GADL1: variants seen among roughly 807,000 people sequenced by gnomAD.
GADL1 encodes the protein GAD like acidic amino acid decarboxylase 1.
A neutral mutation model predicts 69.5 loss-of-function variants in GADL1; 71 were observed. The ratio of observed to expected loss-of-function variants is 1.02; its 90% CI spans 0.84 to 1.25. The LOEUF is 1.25. Among genes scored for constraint, GADL1 ranks in the 50% most tolerant of loss-of-function variants. GADL1 has a pLI of 0.00. For synonymous variants in GADL1, 254 were observed against 214.4 expected (o/e 1.18, Z -1.62); for missense variants, 737 against 631.8 (o/e 1.17, Z -1.79).
chr3:30,813,431 GTGTT>G (rs1388465997), intron 11 of GADL1, among the ~76,000 whole-genome samples: 2 of 152,190 alleles, frequency 1.3e-5, no homozygotes, highest in Admixed American at 6.5e-5. Flanking sequence ...CACAGAGTGA[GTGTT>G]CTGCTTTGGA....
At chr3:30,828,882 C>G (rs988185344) in intron 11 of GADL1, among the ~76,000 whole-genome samples, 5 of 151,844 alleles carry the variant, frequency 3.3e-5, no homozygotes, top group Non-Finnish European at 5.9e-5. Flanking sequence ...CTAACTATTG[C>G]TCTTCCACTT....
Position 30,861,746 on chromosome 3 carries a change from C to G in GADL1, c.57G>C (p.Glu19Asp). The change falls in exon 2 of 15, where the codon GAG becomes GAC. Residue 19 changes from glutamate to aspartate, a missense_variant. Glu to Asp is a conservative substitution (Grantham distance 45). Coordinates refer to ENST00000282538, the MANE Select transcript of GADL1 (RefSeq NM_207359.3). ...CAGCATTCTTCTTACTTGGAATCAT[C>G]TCTTGTTGATCAATATCTCCTGGAA... The part of the protein sequence containing the change: ...CPVDGDIDQQ[E>D]MIPSKKNAVL... 1.3e-6 allele frequency: 2 copies of G among 1,546,680 alleles called. No individual in the cohort carries two copies. The highest frequency in any genetic ancestry group is 2.4e-5 in the East Asian group (1 of 40,840).
chr3:30,781,491 TCAAA>T (rs1013269942), intron 13 of GADL1, among the ~76,000 whole-genome samples: 5 of 152,210 alleles, frequency 3.3e-5, no homozygotes, highest in African/African-American at 9.6e-5. Context: ...GCACACAGAT[TCAAA>T]CAATCATGCA....
chr3:30,815,976 G>A (rs1295632551), intron 11 of GADL1, among the ~76,000 whole-genome samples: 1 of 152,070 alleles, frequency 6.6e-6, no homozygotes, highest in Non-Finnish European at 1.5e-5. Flanking sequence ...CAGGTTCCTC[G>A]TCTGTACAGT....
At chr3:30,890,194 T>A (rs1698767589) in intron 1 of GADL1, among the ~76,000 whole-genome samples, 1 of 152,138 alleles carries the variant, frequency 6.6e-6, no homozygotes, top group African/African-American at 2.4e-5. Flanking sequence ...AATGCAAAAA[T>A]GAAAAGAACT....
rs145253031 is a variant in GADL1, at chr3:30,877,787, T to G, written c.38-16022A>C. Among the ~76,000 whole-genome samples the G allele has an allele frequency of 2.0e-5, 3 of 152,034 alleles. No individual in the cohort carries two copies. The East Asian group carries it at 5.8e-4, about 30-fold the overall frequency. ...TCTGTTAAAGGGGCAAAATCTGAAG[T>G]GTGGAAATTTAAGATGGTTAATGGT... On this transcript the variant is annotated intron_variant, in intron 1 of 14. Transcript: ENST00000282538.
At chr3:30,781,318 AG>A (rs1307791630) in intron 13 of GADL1, among the ~76,000 whole-genome samples, 1 of 152,252 alleles carries the variant, frequency 6.6e-6, no homozygotes, top group Non-Finnish European at 1.5e-5. Flanking sequence ...CATTTGGGAA[AG>A]AAATTAGTGG....
chr3:30,821,588 C>T (rs1697581508), intron 11 of GADL1, among the ~76,000 whole-genome samples: 2 of 151,922 alleles, frequency 1.3e-5, no homozygotes, highest in South Asian at 2.1e-4. Flanking sequence ...ATAAATATTA[C>T]TAGGTTGGAA....
intron 1 of GADL1, among the ~76,000 whole-genome samples, chr3:30,867,849 C>T (rs772579999): frequency 2.0e-5 from 3 of 151,834 alleles, no homozygotes; most frequent in Non-Finnish European, 4.4e-5. Flanking sequence ...AGTAGTGCCA[C>T]GTGGAAGACA....
At chr3:30,801,852 T>C (rs532468326) in intron 11 of GADL1, among the ~76,000 whole-genome samples, 1 of 152,306 alleles carries the variant, frequency 6.6e-6, no homozygotes, top group African/African-American at 2.4e-5. Flanking sequence ...ATCAATCATT[T>C]ACAGCCCTGA....
intron 1 of GADL1, among the ~76,000 whole-genome samples, chr3:30,870,372 G>T (rs1698463476): frequency 6.6e-6 from 1 of 151,782 alleles, no homozygotes. Flanking sequence ...AACAGAAAAT[G>T]CAAGCAATCA....
chr3:30,875,625 T>A (rs1698567714), intron 1 of GADL1, among the ~76,000 whole-genome samples: 1 of 151,870 alleles, frequency 6.6e-6, no homozygotes, highest in Non-Finnish European at 1.5e-5. Flanking sequence ...ATCACTGTCT[T>A]ACAGCAGTTC....
chr3:30,848,548 T>C (rs1372571640), intron 6 of GADL1, among the ~76,000 whole-genome samples: 1 of 120,704 alleles, frequency 8.3e-6, no homozygotes, highest in Non-Finnish European at 1.7e-5. Flanking sequence ...GCAGGATACC[T>C]GATATTATCT....
At chr3:30,850,242 A>G (rs985545794) in intron 5 of GADL1, 131 bp from the exon 6 acceptor site, 3 of 655,634 alleles carry the variant, frequency 4.6e-6, no homozygotes, top group Non-Finnish European at 8.1e-6. Flanking sequence ...AAAGCACATG[A>G]ACACCGACCT....
intron 2 of GADL1, 95 bp downstream of exon 2, chr3:30,861,498 C>T (rs188919007): frequency 3.4e-5 from 28 of 833,140 alleles, no homozygotes; most frequent in Non-Finnish European, 5.2e-5. Context: ...GAAATAAAAA[C>T]TTGGCCTTCC....
intron 14 of GADL1, among the ~76,000 whole-genome samples, chr3:30,752,589 T>C (rs1695852349): frequency 6.6e-6 from 1 of 152,156 alleles, no homozygotes; most frequent in Non-Finnish European, 1.5e-5. Context: ...ATGCGAGTGT[T>C]TTTCTCTGTC....
intron 8 of GADL1, among the ~76,000 whole-genome samples, chr3:30,843,449 G>T (rs1022954585): frequency 6.6e-6 from 1 of 152,060 alleles, no homozygotes; most frequent in African/African-American, 2.4e-5. Flanking sequence ...GTAGTGACGG[G>T]GTTTCACTGT....
intron 13 of GADL1, among the ~76,000 whole-genome samples, chr3:30,780,787 A>G (rs1696649701): frequency 6.6e-6 from 1 of 152,204 alleles, no homozygotes; most frequent in South Asian, 2.1e-4. Context: ...GAAAGCTTAT[A>G]AAGCCCTTCT....
At chr3:30,812,148 G>A (rs1021283251) in intron 11 of GADL1, among the ~76,000 whole-genome samples, 8 of 152,226 alleles carry the variant, frequency 5.3e-5, no homozygotes, top group South Asian at 2.1e-4. Context: ...GCTTTATTCC[G>A]TGCAACCCAA....
Sources: allele counts gnomAD v4.1 joint callset (sites outside exome capture counted in the v4.1 genomes callset), GRCh38; gene constraint gnomAD v4.1.1; transcripts MANE v1.5; gene names NCBI Gene and HGNC (gene_info 2026-07-23, HGNC 2026-07-21).